RB1: variants seen among roughly 807,000 people sequenced by gnomAD.
The protein encoded by RB1 is RB transcriptional corepressor 1.
RB1 carries 18 observed loss-of-function variants against 135.4 expected under a neutral mutation model. The observed-to-expected ratio is 0.13, with a 90% CI of 0.09 to 0.20. The LOEUF is 0.20. RB1 is among the 10% of genes least tolerant of loss of function. The probability of loss-of-function intolerance (pLI) is 1.00; values close to 1 mark genes in which losing one functional copy is unlikely to be tolerated. For synonymous variants in RB1, 365 were observed against 373.2 expected, an observed-to-expected ratio of 0.98 and a Z score of 0.25; for missense variants, 868 against 1,110.0, an observed-to-expected ratio of 0.78 and a Z score of 3.10.
intron 2 of RB1, among the ~76,000 whole-genome samples, chr13:48,342,028 A>T (rs1403572614): frequency 6.6e-6 from 1 of 152,002 alleles, no homozygotes; most frequent in Non-Finnish European, 1.5e-5. Flanking sequence ...ACTGTATACT[A>T]TATACTACGC....
chr13:48,359,981 T>A, intron 6 of RB1, 36 bp from the exon 7 acceptor site: 1 of 1,607,726 alleles, frequency 6.2e-7, no homozygotes, highest in Non-Finnish European at 8.5e-7. Context: ...GATCTGAATC[T>A]CTAACTTTCT....
intron 6 of RB1, among the ~76,000 whole-genome samples, chr13:48,353,783 T>G (rs1952568723): frequency 4.6e-5 from 7 of 152,130 alleles, no homozygotes; most frequent in Admixed American, 3.9e-4. Flanking sequence ...GCAAGGATGG[T>G]TCAACATAAA....
intron 25 of RB1, among the ~76,000 whole-genome samples, chr13:48,477,046 A>G (rs1949508488): frequency 1.3e-5 from 2 of 152,238 alleles, no homozygotes; most frequent in Admixed American, 6.5e-5. Context: ...CAGTGAAGAT[A>G]TCTAATAAAC....
In RB1 at chr13:48,331,918, A is replaced by G. The variant is rs546867690; in HGVS notation, c.265-10681A>G. Among the ~76,000 whole-genome samples the G allele has an allele frequency of 5.9e-5, 9 of 152,340 alleles. No individual in the cohort carries two copies. In the East Asian group the frequency reaches 1.7e-3, roughly 29 times the overall value. On this transcript the variant is annotated intron_variant, in intron 2 of 26. Transcript: ENST00000267163. ...AACTAATGATTGGTTATATCCTGAT[A>G]AACCCATTGTAAGTCAAAAATATCT...
chr13:48,442,382 TG>T (rs1949246770), intron 17 of RB1, among the ~76,000 whole-genome samples: 2 of 151,950 alleles, frequency 1.3e-5, no homozygotes, highest in African/African-American at 4.8e-5. Flanking sequence ...TTGTATTTTT[TG>T]TAGAGATGGG....
chr13:48,391,052 G>A (rs1948607116), intron 17 of RB1, among the ~76,000 whole-genome samples: 1 of 151,030 alleles, frequency 6.6e-6, no homozygotes, highest in Non-Finnish European at 1.5e-5. Flanking sequence ...CTCTTTTTCT[G>A]CCTTCTTTTG....
At chr13:48,445,769 T>C (rs1949282578) in intron 17 of RB1, among the ~76,000 whole-genome samples, 1 of 152,118 alleles carries the variant, frequency 6.6e-6, no homozygotes, top group African/African-American at 2.4e-5. Flanking sequence ...CTGAGCACCG[T>C]GTAAGTAGGA....
At chr13:48,363,050 T>A in intron 8 of RB1, 93 bp downstream of exon 8, 7 of 1,436,100 alleles carry the variant, frequency 4.9e-6, no homozygotes, top group Admixed American at 2.0e-5. Flanking sequence ...TATGAGCATG[T>A]TTTTTTTGTA....
At chr13:48,328,376 T>G in intron 2 of RB1, 1 of 1,539,302 alleles carries the variant, frequency 6.5e-7, no homozygotes, top group Non-Finnish European at 9.0e-7. Flanking sequence ...ATGCTTTCTT[T>G]GTCGTCTGAC....
rs1555294146 is a variant in RB1 at position 48,459,896 on chromosome 13, T to TTC, written c.2106+63_2106+64insTC. On this transcript the variant is annotated intron_variant, in intron 20 of 26. Transcript: ENST00000267163. ...CTTACTTGTTAACTGATTCTTTCTTTCTTTCTTTCTTTCTTTCTTTCTTTC... is the reference window on the plus strand; with the variant it reads ...CTTACTTGTTAACTGATTCTTTCTTTTCCTTTCTTTCTTTCTTTCTTTCTTTC... The TTC allele has an allele frequency of 6.9e-5, 31 of 448,628 alleles. No homozygotes were observed. In the African/African-American group the frequency reaches 1.1e-3, roughly 16 times the overall value. The allele number at this position is 448,628 out of a possible 1,614,324, so 27.8% of individuals were successfully genotyped here.
intron 6 of RB1, among the ~76,000 whole-genome samples, chr13:48,355,024 A>G (rs1295013841): frequency 6.6e-6 from 1 of 152,142 alleles, no homozygotes; most frequent in African/African-American, 2.4e-5. Context: ...TTTCTTGAGC[A>G]ATACCTCACA....
At chr13:48,425,111 A>G (rs1335656107) in intron 17 of RB1, among the ~76,000 whole-genome samples, 1 of 152,176 alleles carries the variant, frequency 6.6e-6, no homozygotes, top group Non-Finnish European at 1.5e-5. Flanking sequence ...ACAAGATATA[A>G]CAACAGCTAT....
chr13:48,364,948 G>A lies in RB1; in HGVS notation c.916G>A (p.Val306Ile), dbSNP rs773169052. 5 of 1,571,524 alleles carry A rather than the reference G, an allele frequency of 3.2e-6. No individual in the cohort carries two copies. In the South Asian group the frequency reaches 4.6e-5, roughly 15 times the overall value. The change falls in exon 9 of 27, where the codon GTA becomes ATA. Residue 306 changes from valine to isoleucine, a missense_variant. Val to Ile is a conservative substitution (Grantham distance 29). Around this residue, in one of 3 missense-constraint regions of RB1, gnomAD observed 641 missense variants for 791.3 expected, o/e 0.81. Transcript: ENST00000267163. Reference sequence around the variant, plus strand: ...ACCTTTTATGAATTCTCTTGGACTTGTAACATCTAATGGACTTCCAGAGGT... The same window carrying A: ...ACCTTTTATGAATTCTCTTGGACTTATAACATCTAATGGACTTCCAGAGGT... ...FIPFMNSLGL[V>I]TSNGLPEVEN... is the part of the protein sequence containing the mutation.
At chr13:48,457,410 C>T (rs1359083137) in intron 19 of RB1, among the ~76,000 whole-genome samples, 7 of 152,170 alleles carry the variant, frequency 4.6e-5, no homozygotes, top group Non-Finnish European at 1.0e-4. Context: ...GGCTGAGACT[C>T]GGGCTTCTGT....
intron 12 of RB1, among the ~76,000 whole-genome samples, chr13:48,375,390 G>A (rs749342899): frequency 2.6e-5 from 4 of 151,076 alleles, no homozygotes; most frequent in Non-Finnish European, 5.9e-5. Flanking sequence ...AATCTTAGAA[G>A]CTATGAACAT....
intron 2 of RB1, chr13:48,318,515 G>T: frequency 4.0e-6 from 4 of 1,010,770 alleles, no homozygotes; most frequent in Non-Finnish European, 5.8e-6. Flanking sequence ...TGCGAGTGTC[G>T]CCGGGCCCCT....
intron 2 of RB1, among the ~76,000 whole-genome samples, chr13:48,339,848 T>C (rs1406138278): frequency 6.6e-6 from 1 of 152,126 alleles, no homozygotes; most frequent in African/African-American, 2.4e-5. Context: ...GAGAAGTGAA[T>C]CCAATGACTT....
intron 17 of RB1, chr13:48,411,306 G>C (rs1450831005): frequency 1.7e-6 from 2 of 1,144,906 alleles, no homozygotes; most frequent in African/African-American, 3.1e-5. Flanking sequence ...TTTGGAGGTG[G>C]AAAAATAGTT....
chr13:48,442,811 C>T (rs143102348), intron 17 of RB1, among the ~76,000 whole-genome samples: 153 of 152,188 alleles, frequency 1.0e-3, no homozygotes, highest in African/African-American at 3.6e-3. Flanking sequence ...TTTCTTTAAA[C>T]AATATTTTAA....
Sources: gnomAD v4.1 joint callset for allele counts (sites outside exome capture counted in the v4.1 genomes callset) on GRCh38, gnomAD v4.1.1 for gene constraint, gnomAD v4.1.1 regional missense constraint, MANE v1.5 for transcripts, NCBI Gene and HGNC (gene_info 2026-07-23, HGNC 2026-07-21) for gene names.